The following PTPRD variants were observed in gnomAD, a reference collection of about 807,000 sequenced individuals.
The protein encoded by PTPRD is receptor-type tyrosine-protein phosphatase delta.
Under a neutral mutation model 214.5 loss-of-function variants are expected in PTPRD, and 34 were observed. That is an observed-to-expected ratio of 0.16 (90% CI 0.12 to 0.21). The LOEUF (loss-of-function observed/expected upper bound fraction) is 0.21, where lower values mean the gene tolerates loss of function less well. PTPRD is among the 10% of genes least tolerant of loss of function. The pLI is 1.00. For missense variants in PTPRD, 2,545 were observed against 2,398.7 expected, an observed-to-expected ratio of 1.06 and a Z score of -1.27; for synonymous variants, 1,128 against 845.7, an observed-to-expected ratio of 1.33 and a Z score of -5.79.
chr9:9,843,726 A>T (rs964243569), intron 5 of PTPRD, among the ~76,000 whole-genome samples: 7 of 152,056 alleles, frequency 4.6e-5, no homozygotes, highest in Non-Finnish European at 7.4e-5. Context: ...GAAAATCAAC[A>T]TAAGCAAAAA....
chr9:9,389,358 A>C (rs1413350858), intron 9 of PTPRD, among the ~76,000 whole-genome samples: 1 of 152,064 alleles, frequency 6.6e-6, no homozygotes, highest in South Asian at 2.1e-4. Flanking sequence ...TAAAAATACA[A>C]AATTAGCCGG....
intron 3 of PTPRD, among the ~76,000 whole-genome samples, chr9:10,115,247 G>C (rs902690702): frequency 1.3e-5 from 2 of 151,934 alleles, no homozygotes; most frequent in Non-Finnish European, 2.9e-5. Flanking sequence ...AAGTGAATAA[G>C]CTTTCCATAT....
At chr9:9,681,846 G>C (rs1291524283) in intron 7 of PTPRD, among the ~76,000 whole-genome samples, 1 of 151,736 alleles carries the variant, frequency 6.6e-6, no homozygotes, top group Non-Finnish European at 1.5e-5. Context: ...ACCCAGCAGA[G>C]GGACTCTACT....
intron 3 of PTPRD, among the ~76,000 whole-genome samples, chr9:10,257,267 G>A (rs1206571594): frequency 6.6e-6 from 1 of 152,134 alleles, no homozygotes; most frequent in Non-Finnish European, 1.5e-5. Context: ...TAAACAATTT[G>A]CCTATATCTG....
rs540301749 is a variant in PTPRD at position 9,022,714 on chromosome 9, A to G, written c.-142-3979T>C. Among the ~76,000 whole-genome samples, 274 of 152,302 alleles carry G rather than the reference A, an allele frequency of 1.8e-3. 1 individual carries two copies. The highest frequency in any genetic ancestry group is 6.5e-3 in the African/African-American group (269 of 41,566). On this transcript the variant is annotated intron_variant, in intron 10 of 45. Transcript: ENST00000381196. The stretch of plus-strand genomic sequence containing the variant: ...CTAAGATTTTCAAAGAAGTCAACAT[A>G]ATTTGCAGAACTTGAACACTTTTTC...
chr9:8,465,660 A>T lies in PTPRD; in HGVS notation c.3520T>A (p.Ser1174Thr), dbSNP rs201604141. Residue 1174 changes from serine to threonine, a missense_variant, in exon 32 of 46, where the codon TCT (serine) becomes ACT (threonine). Physicochemically the swap from Ser to Thr is moderately conservative, Grantham distance 58 (BLOSUM62 1). Coordinates refer to ENST00000381196, the MANE Select transcript of PTPRD (RefSeq NM_002839.4). ...TAACGGATGCTTCTGCGCTTCCTAG[A>T]TATCTCCTTAAGCAGCTTAAGGAAA... The part of the protein sequence containing the change: ...MELDELLKEI[S>T]RKRRSIRYGR... 2.5e-6 allele frequency: 4 copies of T among 1,611,568 alleles called. No individual in the cohort carries two copies. Among genetic ancestry groups the T allele is most frequent in the Admixed American group, 3.3e-5 (2 of 59,712 alleles).
intron 11 of PTPRD, among the ~76,000 whole-genome samples, chr9:8,815,067 C>T (rs1363579770): frequency 6.6e-6 from 1 of 151,766 alleles, no homozygotes; most frequent in Admixed American, 6.6e-5. Flanking sequence ...CAAGAATTGT[C>T]ATATCTCACA....
chr9:8,749,010 T>A (rs775333133), intron 11 of PTPRD, among the ~76,000 whole-genome samples: 1 of 152,196 alleles, frequency 6.6e-6, no homozygotes, highest in African/African-American at 2.4e-5. Context: ...TGTGAAAATA[T>A]GTATTTATAT....
chr9:9,462,087 C>A (rs1357737485), intron 8 of PTPRD, among the ~76,000 whole-genome samples: 1 of 152,034 alleles, frequency 6.6e-6, no homozygotes, highest in Non-Finnish European at 1.5e-5. Flanking sequence ...GTTATTATGT[C>A]TCCAATATGT....
At chr9:9,908,080 A>AC (rs1491335907) in intron 5 of PTPRD, among the ~76,000 whole-genome samples, 14 of 4,248 alleles carry the variant, frequency 3.3e-3, no homozygotes, top group Non-Finnish European at 0.017. Flanking sequence ...ACATTAAGAC[A>AC]AAAAAAAAAA....
At chr9:9,435,366 A>G (rs941499277) in intron 8 of PTPRD, among the ~76,000 whole-genome samples, 2 of 146,238 alleles carry the variant, frequency 1.4e-5, no homozygotes, top group Non-Finnish European at 3.0e-5. Flanking sequence ...TCTACAAAAA[A>G]TTAAAAAATT....
At chr9:9,354,644 T>A (rs962033321) in intron 9 of PTPRD, among the ~76,000 whole-genome samples, 3 of 151,682 alleles carry the variant, frequency 2.0e-5, no homozygotes, top group Non-Finnish European at 2.9e-5. Context: ...CTATAGCCAA[T>A]AAGTAAATTA....
rs549564965 is a variant in PTPRD at position 8,699,034 on chromosome 9, G to A, written c.64+34746C>T. Among the ~76,000 whole-genome samples the A allele has an allele frequency of 2.0e-5, 3 of 152,190 alleles. No homozygotes were observed. The East Asian group carries it at 5.8e-4, about 29-fold the overall frequency. ...AGTTGTGAATTCTTTTCTTCTTTAAGGATGGATTTCTCATACCCTACCAGA... is the reference window on the plus strand; with the variant it reads ...AGTTGTGAATTCTTTTCTTCTTTAAAGATGGATTTCTCATACCCTACCAGA... On this transcript the variant is annotated intron_variant, in intron 12 of 45. Transcript: ENST00000381196.
At chr9:10,547,966 A>T (rs1335367727) in intron 2 of PTPRD, among the ~76,000 whole-genome samples, 1 of 152,092 alleles carries the variant, frequency 6.6e-6, no homozygotes, top group African/African-American at 2.4e-5. Context: ...TGAGCTAAAG[A>T]CATGTTTACA....
intron 2 of PTPRD, among the ~76,000 whole-genome samples, chr9:10,509,470 C>CTATCTATCT (rs1555449734): frequency 1.4e-4 from 19 of 138,148 alleles, no homozygotes; most frequent in African/African-American, 2.5e-4. Flanking sequence ...TTGATTGATC[C>CTATCTATCT]ATCTATCTAT....
At chr9:9,703,211 T>C (rs1324678991) in intron 7 of PTPRD, among the ~76,000 whole-genome samples, 1 of 152,160 alleles carries the variant, frequency 6.6e-6, no homozygotes, top group Non-Finnish European at 1.5e-5. Flanking sequence ...GTCTTGTGCC[T>C]GCTTCCCTTT....
rs959062368 is a variant in PTPRD at position 10,481,667 on chromosome 9, C to T, written c.-600+130731G>A. 5.3e-5 allele frequency among the ~76,000 whole-genome samples: 8 copies of T among 152,238 alleles called. No homozygotes were observed. In the East Asian group the frequency reaches 1.4e-3, roughly 26 times the overall value. On this transcript the variant is annotated intron_variant, in intron 2 of 45. Coordinates refer to ENST00000381196, the MANE Select transcript of PTPRD (RefSeq NM_002839.4). ...GACAGCCATGAACTTATTGTAAATACTCAGCCCATAATCATTAAATGTTAA... is the reference window on the plus strand; with the variant it reads ...GACAGCCATGAACTTATTGTAAATATTCAGCCCATAATCATTAAATGTTAA...
intron 3 of PTPRD, among the ~76,000 whole-genome samples, chr9:10,210,819 A>ATATGTATGTATG (rs1261761491): frequency 4.3e-5 from 3 of 70,152 alleles, no homozygotes; most frequent in African/African-American, 2.4e-4. Context: ...ATATATATAT[A>ATATGTATGTATG]TATGTATGTA....
chr9:9,007,489 T>C (rs1432857142), intron 11 of PTPRD, among the ~76,000 whole-genome samples: 1 of 151,944 alleles, frequency 6.6e-6, no homozygotes, highest in East Asian at 1.9e-4. Flanking sequence ...TTTTATGTGC[T>C]TGACCCTATT....
Sources: allele counts gnomAD v4.1 joint callset (sites outside exome capture counted in the v4.1 genomes callset), GRCh38; gene constraint gnomAD v4.1.1; transcripts MANE v1.5; gene names NCBI Gene and HGNC (gene_info 2026-07-23, HGNC 2026-07-21).